The following OSBPL9 variants were observed in gnomAD, a reference collection of about 807,000 sequenced individuals.
The protein encoded by OSBPL9 is oxysterol-binding protein-related protein 9.
OSBPL9 carries 40 observed loss-of-function variants against 106.6 expected under a neutral mutation model. That is an observed-to-expected ratio of 0.38 (90% confidence interval 0.29 to 0.49). The LOEUF is 0.49. Among genes scored for constraint, OSBPL9 ranks in the 20% least tolerant of loss-of-function variants. OSBPL9 has a pLI of 0.97. For missense variants in OSBPL9, 609 were observed against 887.2 expected, an observed-to-expected ratio of 0.69 and a Z score of 3.98; for synonymous variants, 269 against 295.4, an observed-to-expected ratio of 0.91 and a Z score of 0.92.
intron 15 of OSBPL9, among the ~76,000 whole-genome samples, chr1:51,778,673 C>G (rs1675614127): frequency 6.6e-6 from 1 of 152,258 alleles, no homozygotes; most frequent in African/African-American, 2.4e-5. Context: ...GCCAAGTCCA[C>G]AAATTCATCC....
the OSBPL9 span, among the ~76,000 whole-genome samples, chr1:51,548,439 T>G: frequency 1.1e-3 from 135 of 128,084 alleles, no homozygotes; most frequent in African/African-American, 3.4e-3. Flanking sequence ...CTCTGTTGCA[T>G]AGGCTGGAAT....
At chr1:51,641,719 C>G (rs1297319821) in intron 1 of OSBPL9, among the ~76,000 whole-genome samples, 1 of 152,152 alleles carries the variant, frequency 6.6e-6, no homozygotes, top group Non-Finnish European at 1.5e-5. Context: ...GATTATATCA[C>G]CAACTATTTT....
At chr1:51,542,529 T>C in the OSBPL9 span, among the ~76,000 whole-genome samples, 1 of 152,238 alleles carries the variant, frequency 6.6e-6, no homozygotes, top group Non-Finnish European at 1.5e-5. Flanking sequence ...AAGTTTCCTA[T>C]AAGGCAGCAC....
intron 1 of OSBPL9, among the ~76,000 whole-genome samples, chr1:51,623,605 TAC>T (rs961943542): frequency 9.2e-5 from 14 of 152,226 alleles, no homozygotes; most frequent in African/African-American, 3.4e-4. Context: ...TCTTTGCTGT[TAC>T]ACACTGTCTG....
At chr1:51,766,300 A>T (rs1229743987) in intron 12 of OSBPL9, among the ~76,000 whole-genome samples, 1 of 152,224 alleles carries the variant, frequency 6.6e-6, no homozygotes, top group Non-Finnish European at 1.5e-5. Context: ...TTTCTACAGT[A>T]CCAACATTAG....
chr1:51,628,965 A>G (rs1195494337), intron 1 of OSBPL9, among the ~76,000 whole-genome samples: 1 of 152,092 alleles, frequency 6.6e-6, no homozygotes, highest in Non-Finnish European at 1.5e-5. Context: ...GGCCTGAGCT[A>G]CCATGCCCGG....
intron 3 of OSBPL9, among the ~76,000 whole-genome samples, chr1:51,693,411 A>G (rs1655398656): frequency 6.6e-6 from 1 of 152,036 alleles, no homozygotes; most frequent in Admixed American, 6.6e-5. Flanking sequence ...GAGAAAAGAA[A>G]AGAAGAAAAT....
intron 2 of OSBPL9, among the ~76,000 whole-genome samples, chr1:51,607,284 C>T (rs1389810170): frequency 6.6e-6 from 1 of 151,040 alleles, no homozygotes; most frequent in Admixed American, 6.6e-5. Flanking sequence ...GCCTCATCCT[C>T]CTGAGTAGCT....
intron 8 of OSBPL9, among the ~76,000 whole-genome samples, chr1:51,751,478 T>C (rs765111531): frequency 1.3e-5 from 2 of 152,090 alleles, no homozygotes; most frequent in Non-Finnish European, 2.9e-5. Context: ...TTGTAGATCA[T>C]AGTATATTCC....
intron 3 of OSBPL9, among the ~76,000 whole-genome samples, chr1:51,674,053 TTTC>T (rs536069712): frequency 3.2e-4 from 48 of 150,870 alleles, no homozygotes; most frequent in Non-Finnish European, 6.2e-4. Flanking sequence ...TTTCCTTTGT[TTTC>T]TTCTTCTTCT....
At chr1:51,752,369 AGACTTTTC>A in intron 8 of OSBPL9, 1 of 283,520 alleles carries the variant, frequency 3.5e-6, no homozygotes, top group South Asian at 3.2e-5. Context: ...ATCTTTGGAA[AGACTTTTC>A]CTGACTCCTG....
intron 1 of OSBPL9, among the ~76,000 whole-genome samples, chr1:51,587,441 A>G (rs1184348225): frequency 6.6e-6 from 1 of 152,172 alleles, no homozygotes; most frequent in African/African-American, 2.4e-5. Context: ...ATGGCCTCCT[A>G]TCCTCCAATT....
At chr1:51,630,490 A>G (rs1645039164) in intron 1 of OSBPL9, among the ~76,000 whole-genome samples, 1 of 151,904 alleles carries the variant, frequency 6.6e-6, no homozygotes, top group Non-Finnish European at 1.5e-5. Flanking sequence ...ATCTAAGCAT[A>G]GAAAAGATAC....
At chr1:51,785,987 C>G in intron 21 of OSBPL9, 101 bp downstream of exon 21, 1 of 999,424 alleles carries the variant, frequency 1.0e-6, no homozygotes, top group Non-Finnish European at 1.5e-6. Flanking sequence ...AATGCATTTC[C>G]TTCTACAGTA....
the OSBPL9 span, among the ~76,000 whole-genome samples, chr1:51,558,179 C>T: frequency 3.3e-5 from 5 of 151,890 alleles, no homozygotes; most frequent in Non-Finnish European, 7.4e-5. Flanking sequence ...ACTTGGGAGG[C>T]TGAGGCAGGA....
intron 2 of OSBPL9, among the ~76,000 whole-genome samples, chr1:51,660,943 C>G (rs534370508): frequency 1.3e-5 from 2 of 152,166 alleles, no homozygotes; most frequent in African/African-American, 4.8e-5. Context: ...TTTGCAAGAC[C>G]TAGTATTCTT....
chr1:51,648,317 G>A (rs1029674168), intron 1 of OSBPL9, among the ~76,000 whole-genome samples: 6 of 152,154 alleles, frequency 3.9e-5, no homozygotes, highest in African/African-American at 9.7e-5. Context: ...CTGGCAGCTG[G>A]GACTTTCCTC....
intron 2 of OSBPL9, among the ~76,000 whole-genome samples, chr1:51,664,761 G>A (rs1184566545): frequency 6.6e-6 from 1 of 152,126 alleles, no homozygotes; most frequent in African/African-American, 2.4e-5. Flanking sequence ...ACTAAGGATA[G>A]TATTTATCTT....
At chr1:51,640,976 A>T (rs555946498) in intron 1 of OSBPL9, among the ~76,000 whole-genome samples, 5 of 151,308 alleles carry the variant, frequency 3.3e-5, no homozygotes, top group African/African-American at 1.2e-4. Context: ...TTTTTTAGAG[A>T]TGGGTTCTCA....
Sources: allele counts gnomAD v4.1 joint callset (sites outside exome capture counted in the v4.1 genomes callset), GRCh38; gene constraint gnomAD v4.1.1; transcripts MANE v1.5; gene names NCBI Gene and HGNC (gene_info 2026-07-23, HGNC 2026-07-21).